KIRREL3: variants seen among roughly 807,000 people sequenced by gnomAD.
KIRREL3 encodes the protein kirre like nephrin family adhesion molecule 3.
A neutral mutation model predicts 89.7 loss-of-function variants in KIRREL3; 36 were observed. That is an observed-to-expected ratio of 0.40 (90% CI 0.31 to 0.53). The LOEUF (loss-of-function observed/expected upper bound fraction) is 0.53, where lower values mean the gene tolerates loss of function less well. Ranked by LOEUF, KIRREL3 falls within the 20% of genes least tolerant of loss-of-function variation. The probability of loss-of-function intolerance (pLI) is 0.49; values close to 1 mark genes in which losing one functional copy is unlikely to be tolerated. For synonymous variants in KIRREL3, 445 were observed against 441.4 expected, an observed-to-expected ratio of 1.01 and a Z score of -0.10; for missense variants, 864 against 1,056.6, an observed-to-expected ratio of 0.82 and a Z score of 2.53.
chr11:126,825,489 C>T (rs1035221475), intron 1 of KIRREL3, among the ~76,000 whole-genome samples: 5 of 152,032 alleles, frequency 3.3e-5, no homozygotes, highest in Non-Finnish European at 7.4e-5. Flanking sequence ...ACTGTAATTT[C>T]AAGTAGTGAT....
At position 126,528,198 on chromosome 11, in the gene KIRREL3, G is replaced by A. The variant is rs1422826732; in HGVS notation, c.134-1511C>T. Among the ~76,000 whole-genome samples, 1 of 152,214 alleles carries A rather than the reference G, an allele frequency of 6.6e-6. No individual in the cohort carries two copies. The highest frequency in any genetic ancestry group is 1.5e-5 in the Non-Finnish European group (1 of 68,036). On this transcript the variant is annotated intron_variant, in intron 2 of 16. Transcript: ENST00000525144. This position sits in a 1 kb window ranked among gnomAD's most constrained non-coding sequence, Gnocchi z 4.6. ...ACCTAACCGAGGCAAAACTGGACCT[G>A]GCGCTCCAGCTGCTGATGCTGTGGC...
At chr11:126,712,068 G>T (rs1947779616) in intron 1 of KIRREL3, among the ~76,000 whole-genome samples, 1 of 152,228 alleles carries the variant, frequency 6.6e-6, no homozygotes, top group East Asian at 1.9e-4. Flanking sequence ...ACTCCCAGTG[G>T]TCCTCTTCCG....
intron 1 of KIRREL3, among the ~76,000 whole-genome samples, chr11:126,573,220 C>T (rs913281811): frequency 2.6e-5 from 4 of 152,186 alleles, no homozygotes; most frequent in Non-Finnish European, 5.9e-5. Context: ...GCATGCGTTG[C>T]CTCGCGGGGT....
intron 1 of KIRREL3, among the ~76,000 whole-genome samples, chr11:126,829,630 A>G (rs541546882): frequency 6.6e-6 from 1 of 152,254 alleles, no homozygotes; most frequent in South Asian, 2.1e-4. Context: ...GTTCATTTAC[A>G]TTGTCATTCA....
At chr11:126,466,653 A>C (rs746877492) in intron 5 of KIRREL3, among the ~76,000 whole-genome samples, 3 of 152,134 alleles carry the variant, frequency 2.0e-5, no homozygotes, top group Non-Finnish European at 4.4e-5. Flanking sequence ...CACTTTTCTC[A>C]TATGCAAATG....
intron 4 of KIRREL3, among the ~76,000 whole-genome samples, chr11:126,506,555 T>G (rs1958021270): frequency 6.6e-6 from 1 of 152,192 alleles, no homozygotes; most frequent in East Asian, 1.9e-4. Flanking sequence ...GGATACCACT[T>G]GAAACCTGTA....
intron 1 of KIRREL3, among the ~76,000 whole-genome samples, chr11:126,980,663 C>A (rs1322152202): frequency 6.6e-6 from 1 of 152,116 alleles, no homozygotes; most frequent in Non-Finnish European, 1.5e-5. Flanking sequence ...CGTGTCATGA[C>A]AAGAGAACTA....
chr11:126,917,239 T>A lies in KIRREL3; in HGVS notation c.55+83216A>T, dbSNP rs1046222486. 1.3e-5 allele frequency among the ~76,000 whole-genome samples: 2 copies of A among 152,194 alleles called. No individual in the cohort carries two copies. The highest frequency in any genetic ancestry group is 4.8e-5 in the African/African-American group (2 of 41,452). On this transcript the variant is annotated intron_variant, in intron 1 of 16. Transcript: ENST00000525144. The surrounding 1 kb of genome is among the most constrained non-coding windows in gnomAD (Gnocchi z 5.0). ...ATTGTACGATTCCACTTATATGAAG[T>A]ATTCAGAATAGGCAAATTCATAAAA...
rs1956976787 is a variant in KIRREL3, at chr11:126,473,330, G to C, written c.570C>G (p.Ile190Met). The C allele has an allele frequency of 7.2e-7, 1 of 1,383,234 alleles. No individual in the cohort carries two copies. The highest frequency in any genetic ancestry group is 9.5e-7 in the Non-Finnish European group (1 of 1,052,922). 85.7% of individuals were successfully genotyped at this position (1,383,234 alleles called of 1,614,324 possible). A position where few individuals can be genotyped will look rare whatever the true frequency, so the allele number is the denominator to read the frequency against. Reference sequence around the variant, plus strand: ...TCACCTTGGAGTAGGTGGCCCCATTGATGACCTCTCCCTTTCGCAACCAGA... The same window carrying C: ...TCACCTTGGAGTAGGTGGCCCCATTCATGACCTCTCCCTTTCGCAACCAGA... ...SIIWLRKGEV[I>M]NGATYSKTLL... Residue 190 changes from isoleucine to methionine, a missense_variant, in exon 5 of 17, where the codon ATC becomes ATG. Physicochemically the swap from Ile to Met is conservative, Grantham distance 10 (BLOSUM62 1). Coordinates refer to ENST00000525144, the MANE Select transcript of KIRREL3 (RefSeq NM_032531.4).
In KIRREL3 at chr11:126,541,340, G is replaced by A. The variant is rs1414051384; in HGVS notation, c.134-14653C>T. On this transcript the variant is annotated intron_variant, in intron 2 of 16. Coordinates refer to ENST00000525144, the MANE Select transcript of KIRREL3 (RefSeq NM_032531.4). The surrounding 1 kb of genome is among the most constrained non-coding windows in gnomAD (Gnocchi z 4.8). ...CTTATCTGTAAAATGCAAGGTTTAAGCGCCTTCCTCCCAACCCTAATGCTT... is the reference window on the plus strand; with the variant it reads ...CTTATCTGTAAAATGCAAGGTTTAAACGCCTTCCTCCCAACCCTAATGCTT... Among the ~76,000 whole-genome samples, 1 of 152,088 alleles carries A rather than the reference G, an allele frequency of 6.6e-6. No homozygotes were observed. Among genetic ancestry groups the A allele is most frequent in the African/African-American group, 2.4e-5 (1 of 41,396 alleles).
chr11:126,895,646 A>G (rs541531576), intron 1 of KIRREL3, among the ~76,000 whole-genome samples: 42 of 152,248 alleles, frequency 2.8e-4, no homozygotes, highest in African/African-American at 9.4e-4. Context: ...TCTAGGTCTT[A>G]GACCCAGCAA....
intron 1 of KIRREL3, among the ~76,000 whole-genome samples, chr11:126,929,345 A>C (rs1175411653): frequency 6.6e-6 from 1 of 152,092 alleles, no homozygotes; most frequent in African/African-American, 2.4e-5. Flanking sequence ...CAAGACAGGG[A>C]AGGTACAGGC....
intron 1 of KIRREL3, among the ~76,000 whole-genome samples, chr11:126,731,110 C>T (rs1490380512): frequency 3.3e-5 from 5 of 152,220 alleles, no homozygotes; most frequent in Admixed American, 6.5e-5. Flanking sequence ...TTTGCTGCCT[C>T]CTGCGAGAAT....
At chr11:126,785,070 C>A (rs1017299392) in intron 1 of KIRREL3, among the ~76,000 whole-genome samples, 4 of 152,062 alleles carry the variant, frequency 2.6e-5, no homozygotes, top group African/African-American at 9.7e-5. Context: ...TCACATTTTG[C>A]CTGTGAAGAT....
At position 126,697,138 on chromosome 11, in the gene KIRREL3, G is replaced by C. The variant is rs944087956; in HGVS notation, c.56-134226C>G. Among the ~76,000 whole-genome samples, 4 of 152,174 alleles carry C rather than the reference G, an allele frequency of 2.6e-5. No homozygotes were observed. The highest frequency in any genetic ancestry group is 1.3e-4 in the Admixed American group (2 of 15,286). Reference sequence around the variant, plus strand: ...CCCCTCAGCCTCCTTGCAAATGAAGGCTTAGTCACTTCCTCCGCTGGTCCC... The same window carrying C: ...CCCCTCAGCCTCCTTGCAAATGAAGCCTTAGTCACTTCCTCCGCTGGTCCC... On this transcript the variant is annotated intron_variant, in intron 1 of 16. Coordinates refer to ENST00000525144, the MANE Select transcript of KIRREL3 (RefSeq NM_032531.4). The surrounding 1 kb of genome is among the most constrained non-coding windows in gnomAD (Gnocchi z 4.2).
chr11:126,979,925 A>G (rs187641711), intron 1 of KIRREL3, among the ~76,000 whole-genome samples: 7 of 152,304 alleles, frequency 4.6e-5, no homozygotes, highest in Admixed American at 4.6e-4. Context: ...GTCAGAGATG[A>G]TATGAAAAAT....
In KIRREL3 at chr11:126,791,556, A is replaced by G. The variant is rs1413838749; in HGVS notation, c.55+208899T>C. On this transcript the variant is annotated intron_variant, in intron 1 of 16. Coordinates refer to ENST00000525144, the MANE Select transcript of KIRREL3 (RefSeq NM_032531.4). The surrounding 1 kb of genome is among the most constrained non-coding windows in gnomAD (Gnocchi z 4.8). ...AATTCACTGGGCACTTATGAAAATAAATGACTGATGGGAGAAGGCTGGAGC... is the reference window on the plus strand; with the variant it reads ...AATTCACTGGGCACTTATGAAAATAGATGACTGATGGGAGAAGGCTGGAGC... Among the ~76,000 whole-genome samples, 1 of 152,192 alleles carries G rather than the reference A, an allele frequency of 6.6e-6. No individual in the cohort carries two copies. The highest frequency in any genetic ancestry group is 1.5e-5 in the Non-Finnish European group (1 of 68,026).
chr11:126,918,013 T>A lies in KIRREL3; in HGVS notation c.55+82442A>T, dbSNP rs781245123. 3.3e-5 allele frequency among the ~76,000 whole-genome samples: 5 copies of A among 152,142 alleles called. No homozygotes were observed. The highest frequency in any genetic ancestry group is 5.9e-5 in the Non-Finnish European group (4 of 68,032). On this transcript the variant is annotated intron_variant, in intron 1 of 16. Coordinates refer to ENST00000525144, the MANE Select transcript of KIRREL3 (RefSeq NM_032531.4). The surrounding 1 kb of genome is among the most constrained non-coding windows in gnomAD (Gnocchi z 6.5). ...GGGTTTCCATAAGACTCCACACTGA[T>A]CTCTGGCATGTTTACTGCTGCCTGG...
intron 4 of KIRREL3, among the ~76,000 whole-genome samples, chr11:126,510,765 G>A (rs1393512078): frequency 4.6e-5 from 7 of 152,112 alleles, no homozygotes; most frequent in African/African-American, 1.2e-4. Context: ...CAGGCACTGC[G>A]TCCCTGTTAG....
Sources: gnomAD v4.1 joint callset for allele counts (sites outside exome capture counted in the v4.1 genomes callset) on GRCh38, gnomAD v4.1.1 for gene constraint, Gnocchi (gnomAD v3.1) non-coding constraint, MANE v1.5 for transcripts, NCBI Gene and HGNC (gene_info 2026-07-23, HGNC 2026-07-21) for gene names.